ZDHHC19: variants seen among roughly 807,000 people sequenced by gnomAD.
ZDHHC19 encodes palmitoyltransferase ZDHHC19.
ZDHHC19 carries 30 observed loss-of-function variants against 33.9 expected under a neutral mutation model. The ratio of observed to expected loss-of-function variants is 0.88; its 90% CI spans 0.66 to 1.20. The LOEUF is 1.20. Among genes scored for constraint, ZDHHC19 ranks in the 50% most tolerant of loss-of-function variants. ZDHHC19 has a pLI of 0.00. For missense variants in ZDHHC19, 364 were observed against 401.1 expected, an observed-to-expected ratio of 0.91 and a Z score of 0.79; for synonymous variants, 178 against 167.6, an observed-to-expected ratio of 1.06 and a Z score of -0.48.
At chr3:196,210,265 A>C (rs1019035221) in intron 2 of ZDHHC19, among the ~76,000 whole-genome samples, 1 of 76,600 alleles carries the variant, frequency 1.3e-5, no homozygotes, top group Non-Finnish European at 2.8e-5. Context: ...GAAAGAAAGA[A>C]AAGAGAAAGA....
At position 196,210,496 on chromosome 3, in the gene ZDHHC19, G is replaced by A. The variant is rs114145440; in HGVS notation, c.268+120C>T. On this transcript the variant is annotated intron_variant, in intron 2 of 7. Coordinates refer to ENST00000296326, the MANE Select transcript of ZDHHC19 (RefSeq NM_001039617.2). ...GAGCGAGGGCCAGAGCAATGAAGAC[G>A]TGGGGTGAAGGGGTCCAGAGGCTGG... The A allele has an allele frequency of 2.0e-3, 2,472 of 1,258,138 alleles. 50 individuals carry two copies. In the African/African-American group the frequency reaches 0.034, roughly 17 times the overall value. The allele number at this position is 1,258,138 out of a possible 1,614,324, so 77.9% of individuals were successfully genotyped here.
At chr3:196,199,859 C>A (rs564071042) in intron 5 of ZDHHC19, among the ~76,000 whole-genome samples, 1 of 151,840 alleles carries the variant, frequency 6.6e-6, no homozygotes, top group East Asian at 1.9e-4. Context: ...ACAGAAGAAT[C>A]GCTTGAACCC....
At chr3:196,209,229 C>G (rs1723017970) in intron 3 of ZDHHC19, 147 bp downstream of exon 3, 2 of 1,154,608 alleles carry the variant, frequency 1.7e-6, no homozygotes, top group East Asian at 2.6e-5. Context: ...CATGAGTGAC[C>G]AAGGGTGGCT....
chr3:196,209,674 G>T (rs1419505791), intron 2 of ZDHHC19, among the ~76,000 whole-genome samples, 159 bp from the exon 3 acceptor site: 1 of 152,242 alleles, frequency 6.6e-6, no homozygotes, highest in African/African-American at 2.4e-5. Flanking sequence ...AGAGAGGATG[G>T]CAGTCAAAGG....
At chr3:196,207,176 G>A (rs532262542) in intron 5 of ZDHHC19, among the ~76,000 whole-genome samples, 1 of 152,200 alleles carries the variant, frequency 6.6e-6, no homozygotes, top group Admixed American at 6.5e-5. Flanking sequence ...ATCGCTCAAA[G>A]AATCCAAACC....
At chr3:196,206,829 G>A (rs1411662818) in intron 5 of ZDHHC19, among the ~76,000 whole-genome samples, 1 of 151,932 alleles carries the variant, frequency 6.6e-6, no homozygotes, top group African/African-American at 2.4e-5. Context: ...AGAAGCAGTC[G>A]ACTTGGTTGC....
chr3:196,209,371 C>G lies in ZDHHC19; in HGVS notation c.408+5G>C, dbSNP rs752192064. 1.3e-6 allele frequency: 2 copies of G among 1,593,388 alleles called. No homozygotes were observed. The highest frequency in any genetic ancestry group is 1.7e-6 in the Non-Finnish European group (2 of 1,170,700). On this transcript the variant is annotated splice_donor_5th_base_variant and intron_variant, in intron 3 of 7. Transcript: ENST00000296326. Reference sequence around the variant, plus strand: ...TGGCTGGTGGACAGGTAGAGGGGCACTCACCTCCACACAGATGTTGCACCA... The same window carrying G: ...TGGCTGGTGGACAGGTAGAGGGGCAGTCACCTCCACACAGATGTTGCACCA...
At chr3:196,208,953 C>T (rs780305337) in intron 3 of ZDHHC19, 18 of 273,640 alleles carry the variant, frequency 6.6e-5, no homozygotes, top group Non-Finnish European at 9.1e-5. Context: ...CCTATGCAAG[C>T]CGTGCTCTCG....
rs1168060118 is a variant in ZDHHC19 at position 196,210,286 on chromosome 3, G to GA, written c.268+329dup. The stretch of plus-strand genomic sequence containing the variant: ...AAGAAAAGAGAAAGAAAGAAAGAAA[G>GA]AAGGAAGGAAGGAAAGAGAGAGGAA... On this transcript the variant is annotated intron_variant, in intron 2 of 7. Coordinates refer to ENST00000296326, the MANE Select transcript of ZDHHC19 (RefSeq NM_001039617.2). Among the ~76,000 whole-genome samples, 46 of 106,090 alleles carry GA rather than the reference G, an allele frequency of 4.3e-4. 1 individual carries two copies. Among genetic ancestry groups the GA allele is most frequent in the South Asian group, 1.0e-3 (3 of 2,958 alleles). The allele number at this position is 106,090 out of a possible 152,430, so 69.6% of individuals were successfully genotyped here. A position where few individuals can be genotyped will look rare whatever the true frequency, so the allele number is the denominator to read the frequency against.
chr3:196,199,709 C>T (rs922027364), intron 5 of ZDHHC19: 21 of 154,144 alleles, frequency 1.4e-4, no homozygotes, highest in African/African-American at 2.6e-4. Context: ...TTTGGGAGGC[C>T]GAGGCAGGTG....
chr3:196,208,611 A>C, intron 3 of ZDHHC19, 51 bp from the exon 4 acceptor site: 1 of 1,586,820 alleles, frequency 6.3e-7, no homozygotes, highest in Non-Finnish European at 8.6e-7. Flanking sequence ...TCTGGCCCAA[A>C]TTCCATCACC....
chr3:196,202,979 T>C (rs1332667092), intron 5 of ZDHHC19, among the ~76,000 whole-genome samples: 1 of 151,922 alleles, frequency 6.6e-6, no homozygotes, highest in African/African-American at 2.4e-5. Context: ...AAATGAATGG[T>C]GCCAGGCGCA....
At chr3:196,199,226 G>A in intron 5 of ZDHHC19, 2 of 278,792 alleles carry the variant, frequency 7.2e-6, no homozygotes, top group South Asian at 7.2e-5. Context: ...GTCGTCCCCT[G>A]GGCACTCTTG....
chr3:196,204,967 G>A (rs533093035), intron 5 of ZDHHC19, among the ~76,000 whole-genome samples: 8 of 152,222 alleles, frequency 5.3e-5, no homozygotes, highest in Admixed American at 2.6e-4. Flanking sequence ...TTAGCCCGGC[G>A]TGGTGGCTCA....
intron 7 of ZDHHC19, 61 bp downstream of exon 7, chr3:196,198,215 C>G: frequency 7.2e-7 from 1 of 1,397,070 alleles, no homozygotes; most frequent in Non-Finnish European, 9.3e-7. Context: ...CACACCCTCA[C>G]AACCTGCAGA....
At chr3:196,208,634 G>T (rs1163187524) in intron 3 of ZDHHC19, 74 bp from the exon 4 acceptor site, 2 of 1,534,646 alleles carry the variant, frequency 1.3e-6, no homozygotes, top group Non-Finnish European at 8.8e-7. Context: ...AAATCCTGAG[G>T]CCCTCCCCCT....
chr3:196,203,163 A>G lies in ZDHHC19; in HGVS notation c.687+4235T>C, dbSNP rs1187616690. ...GTAATTCCAGCTACTCGGGAGGCTG[A>G]GGCAGGAGAATCGCTTGAACCCAGG... On this transcript the variant is annotated intron_variant, in intron 5 of 7. Coordinates refer to ENST00000296326, the MANE Select transcript of ZDHHC19 (RefSeq NM_001039617.2). This position sits in a 1 kb window ranked among gnomAD's most constrained non-coding sequence, Gnocchi z 4.3. Among the ~76,000 whole-genome samples the G allele has an allele frequency of 6.6e-6, 1 of 152,060 alleles. No individual in the cohort carries two copies. Among genetic ancestry groups the G allele is most frequent in the African/African-American group, 2.4e-5 (1 of 41,384 alleles).
rs116276875 is a variant in ZDHHC19, at chr3:196,203,389, G to A, written c.687+4009C>T. Among the ~76,000 whole-genome samples, 1,456 of 152,264 alleles carry A rather than the reference G, an allele frequency of 9.6e-3. 21 individuals carry two copies. The highest frequency in any genetic ancestry group is 0.034 in the African/African-American group (1,397 of 41,522). On this transcript the variant is annotated intron_variant, in intron 5 of 7. Transcript: ENST00000296326. This position sits in a 1 kb window ranked among gnomAD's most constrained non-coding sequence, Gnocchi z 4.3. ...CCCATGCTGCCCATTTTACAGTTGG[G>A]GAAAGTGGACGCCTAGGTGGCTAAG...
Position 196,197,652 on chromosome 3 carries a change from CA to C in ZDHHC19, c.*92del, listed in dbSNP as rs1187449104. 1 of 152,678 alleles carries C rather than the reference CA, an allele frequency of 6.5e-6. No homozygotes were observed. Among genetic ancestry groups the C allele is most frequent in the Admixed American group, 6.5e-5 (1 of 15,282 alleles). 9.5% of individuals were successfully genotyped at this position (152,678 alleles called of 1,614,324 possible). On this transcript the variant is annotated 3_prime_UTR_variant, in exon 8 of 8. Transcript: ENST00000296326. The surrounding 1 kb of genome is among the most constrained non-coding windows in gnomAD (Gnocchi z 4.4). The stretch of plus-strand genomic sequence containing the variant: ...GGTGCTGTGGGCATCTCCGGGTGCA[CA>C]GGGGCGAGAGGAAGGCCGAACCTCG...
Sources: allele counts gnomAD v4.1 joint callset (sites outside exome capture counted in the v4.1 genomes callset), GRCh38; gene constraint gnomAD v4.1.1; non-coding constraint Gnocchi (gnomAD v3.1); transcripts MANE v1.5; gene names NCBI Gene and HGNC (gene_info 2026-07-23, HGNC 2026-07-21).